The following NUSAP1 variants were observed in gnomAD, a reference collection of about 807,000 sequenced individuals.
The protein encoded by NUSAP1 is nucleolar and spindle associated protein 1, also known as nucleolar and spindle-associated protein 1.
A neutral mutation model predicts 52.8 loss-of-function variants in NUSAP1; 32 were observed. The ratio of observed to expected loss-of-function variants is 0.61; its 90% CI spans 0.46 to 0.81. NUSAP1 has a LOEUF of 0.81. Among genes scored for constraint, NUSAP1 ranks in the 40% least tolerant of loss-of-function variants. The probability of loss-of-function intolerance (pLI) is 0.00; values close to 1 mark genes in which losing one functional copy is unlikely to be tolerated. For synonymous variants in NUSAP1, 195 were observed against 183.1 expected (o/e 1.06, Z -0.52); for missense variants, 499 against 522.3 (o/e 0.96, Z 0.43).
At chr15:41,359,194 G>A (rs147852298) in intron 6 of NUSAP1, among the ~76,000 whole-genome samples, 21 of 152,136 alleles carry the variant, frequency 1.4e-4, no homozygotes, top group Middle Eastern at 3.4e-3. Context: ...CTCCTTGAAC[G>A]CCTAGGCTCA....
In NUSAP1 at chr15:41,336,659, T is replaced by TTTGTTTGTTTG. The variant is rs1555426250; in HGVS notation, c.93+3611_93+3612insGTTTGTTTGTT. 7.4e-3 allele frequency among the ~76,000 whole-genome samples: 1,089 copies of TTTGTTTGTTTG among 147,934 alleles called. 5 individuals carry two copies. Among genetic ancestry groups the TTTGTTTGTTTG allele is most frequent in the South Asian group, 0.016 (76 of 4,690 alleles). On this transcript the variant is annotated intron_variant, in intron 1 of 10. Coordinates refer to ENST00000559596, the MANE Select transcript of NUSAP1 (RefSeq NM_016359.5). ...TCCTCCTCCTTTTGGTTTTTTTTTT[T>TTTGTTTGTTTG]TTTTTTTTTTGAGATAAGGTCTCGC...
intron 6 of NUSAP1, among the ~76,000 whole-genome samples, chr15:41,362,719 C>T (rs796402021): frequency 4.6e-5 from 7 of 152,000 alleles, no homozygotes; most frequent in African/African-American, 7.2e-5. Context: ...CGTGAGCCAC[C>T]GTGCCTGGCC....
In NUSAP1 at chr15:41,365,569, T is replaced by A. The variant is rs1384824877; in HGVS notation, c.828T>A (p.Ser276=). ...GGTCACTCAAGCGCTCTGCTATCTC[T>A]GCAGCTAAAACGGGTGTCAGGTAAA... ...LKGSLKRSAI[S]AAKTGVRFSA... Residue 276 remains serine (S), a synonymous_variant, in exon 7 of 11, where the codon TCT becomes TCA. Transcript: ENST00000559596. 1 of 1,602,670 alleles carries A rather than the reference T, an allele frequency of 6.2e-7. No individual in the cohort carries two copies. Among genetic ancestry groups the A allele is most frequent in the South Asian group, 1.1e-5 (1 of 90,184 alleles).
intron 7 of NUSAP1, among the ~76,000 whole-genome samples, chr15:41,370,208 C>T (rs796956071): frequency 6.6e-5 from 10 of 151,970 alleles, no homozygotes; most frequent in African/African-American, 2.4e-4. Flanking sequence ...AGTGAAACCC[C>T]GTCTCTACTA....
chr15:41,336,869 T>C (rs2048171148), intron 1 of NUSAP1, among the ~76,000 whole-genome samples: 1 of 151,876 alleles, frequency 6.6e-6, no homozygotes, highest in Admixed American at 6.6e-5. Context: ...TTTTATCATC[T>C]TGACTCAACT....
intron 6 of NUSAP1, among the ~76,000 whole-genome samples, chr15:41,358,545 T>C (rs1180956035): frequency 1.4e-4 from 22 of 152,190 alleles, no homozygotes; most frequent in Admixed American, 1.4e-3. Context: ...AAGGCCAGCC[T>C]GGGCAACATG....
intron 6 of NUSAP1, among the ~76,000 whole-genome samples, chr15:41,362,865 C>T (rs2049233221): frequency 6.6e-6 from 1 of 152,116 alleles, no homozygotes; most frequent in Non-Finnish European, 1.5e-5. Context: ...TTCAGCTACT[C>T]AGGAGGCTGA....
intron 2 of NUSAP1, among the ~76,000 whole-genome samples, chr15:41,348,232 C>T (rs1479578732): frequency 6.6e-6 from 1 of 152,208 alleles, no homozygotes; most frequent in Non-Finnish European, 1.5e-5. Flanking sequence ...GCACTTGCCA[C>T]CACGCCTGGC....
intron 1 of NUSAP1, among the ~76,000 whole-genome samples, chr15:41,337,800 G>T (rs1056015728): frequency 7.2e-5 from 11 of 151,940 alleles, no homozygotes; most frequent in Non-Finnish European, 1.5e-4. Context: ...TAGTCTCCTT[G>T]GTTGGTTCTT....
Position 41,365,519 on chromosome 15 carries a change from A to C in NUSAP1, c.778A>C (p.Ser260Arg). Residue 260 changes from serine (S) to arginine (R), a missense_variant, in exon 7 of 11, where the codon AGT (serine) becomes CGT (arginine). By Grantham distance (110) the Ser-to-Arg change is moderately radical. Transcript: ENST00000559596. ...GCAAGGCCGGTCTTGTGGCCCTGCA[A>C]GTCAGAGTACCTTGGGTCTGAAGGG... ...RSQGRSCGPA[S>R]QSTLGLKGSL... 1 of 1,612,948 alleles carries C rather than the reference A, an allele frequency of 6.2e-7. No individual in the cohort carries two copies. Among genetic ancestry groups the C allele is most frequent in the Non-Finnish European group, 8.5e-7 (1 of 1,179,496 alleles).
rs2050158364 is a variant in NUSAP1, at chr15:41,380,272, T to C, written c.*86T>C. The C allele has an allele frequency of 1.2e-6, 1 of 833,072 alleles. No individual in the cohort carries two copies. The highest frequency in any genetic ancestry group is 2.7e-5 in the East Asian group (1 of 37,248). The allele number at this position is 833,072 out of a possible 1,614,324, so 51.6% of individuals were successfully genotyped here. A position where few individuals can be genotyped will look rare whatever the true frequency, so the allele number is the denominator to read the frequency against. ...TTTTTTTTTGCTGTCATCCCCACTT[T>C]AGTCACGAGATCTTTTTCTGCTAAC... is the stretch of plus-strand genomic sequence containing the variant. On this transcript the variant is annotated 3_prime_UTR_variant, in exon 11 of 11. Transcript: ENST00000559596.
At chr15:41,371,770 GT>G (rs2049706293) in intron 8 of NUSAP1, 86 bp downstream of exon 8, 1 of 1,430,004 alleles carries the variant, frequency 7.0e-7, no homozygotes, top group African/African-American at 1.5e-5. Flanking sequence ...TGTTTTTTTT[GT>G]TTGTTTGTTT....
At chr15:41,350,543 C>T (rs2048740528) in intron 3 of NUSAP1, among the ~76,000 whole-genome samples, 1 of 152,018 alleles carries the variant, frequency 6.6e-6, no homozygotes, top group Non-Finnish European at 1.5e-5. Context: ...GCTATTTGGA[C>T]AGCGTTATCT....
At chr15:41,336,648 G>GTGTTTTTTTTTTTTTTTTTTT (rs1555426223) in intron 1 of NUSAP1, among the ~76,000 whole-genome samples, 2 of 91,372 alleles carry the variant, frequency 2.2e-5, no homozygotes, top group Admixed American at 1.1e-4. Flanking sequence ...CCTCCTTTTG[G>GTGTTTTTTTTTTTTTTTTTTT]TTTTTTTTTT....
intron 8 of NUSAP1, among the ~76,000 whole-genome samples, chr15:41,374,702 A>G (rs896382243): frequency 2.7e-5 from 4 of 148,332 alleles, no homozygotes; most frequent in Non-Finnish European, 4.5e-5. Flanking sequence ...TAATTTTTGT[A>G]TTTTAGTAGA....
chr15:41,351,165 A>C (rs763866474), intron 4 of NUSAP1, 36 bp downstream of exon 4: 69 of 1,590,114 alleles, frequency 4.3e-5, no homozygotes, highest in Admixed American at 5.6e-5. Flanking sequence ...AAGTAACTTT[A>C]AAAACCAAAA....
At chr15:41,335,211 T>C (rs1284334128) in intron 1 of NUSAP1, among the ~76,000 whole-genome samples, 1 of 149,344 alleles carries the variant, frequency 6.7e-6, no homozygotes, top group African/African-American at 2.4e-5. Flanking sequence ...TAAATTTTAC[T>C]AGCATAAATA....
intron 4 of NUSAP1, among the ~76,000 whole-genome samples, chr15:41,355,737 C>A (rs561624393): frequency 6.6e-6 from 1 of 151,414 alleles, no homozygotes; most frequent in Non-Finnish European, 1.5e-5. Context: ...AGTGCAGTTG[C>A]GCGATCTCGG....
At position 41,380,646 on chromosome 15, in the gene NUSAP1, C is replaced by CCG. The variant is rs2050172677; in HGVS notation, c.*460_*461insCG. 1 of 153,144 alleles carries CCG rather than the reference C, an allele frequency of 6.5e-6. No homozygotes were observed. The highest frequency in any genetic ancestry group is 2.1e-4 in the South Asian group (1 of 4,868). 9.5% of individuals were successfully genotyped at this position (153,144 alleles called of 1,614,324 possible). On this transcript the variant is annotated 3_prime_UTR_variant, in exon 11 of 11. Transcript: ENST00000559596. ...TTCACTCTCTATAGAATATAGTAAC[C>CCG]TTTATGAAACGGGGCCATATAGTTT...
Sources: gnomAD v4.1 joint callset for allele counts (sites outside exome capture counted in the v4.1 genomes callset) on GRCh38, gnomAD v4.1.1 for gene constraint, MANE v1.5 for transcripts, NCBI Gene and HGNC (gene_info 2026-07-23, HGNC 2026-07-21) for gene names.